STARD13: variants seen among roughly 807,000 people sequenced by gnomAD.
The protein encoded by STARD13 is StAR related lipid transfer domain containing 13.
A neutral mutation model predicts 106.4 loss-of-function variants in STARD13; 62 were observed. The observed-to-expected ratio is 0.58, with a 90% CI of 0.48 to 0.72. The LOEUF (loss-of-function observed/expected upper bound fraction) is 0.72, where lower values mean the gene tolerates loss of function less well. Ranked by LOEUF, STARD13 falls within the 30% of genes least tolerant of loss-of-function variation. The pLI, the probability that STARD13 is intolerant of heterozygous loss-of-function variation, is 0.00. For synonymous variants in STARD13, 565 were observed against 553.0 expected, an observed-to-expected ratio of 1.02 and a Z score of -0.31; for missense variants, 1,387 against 1,424.0, an observed-to-expected ratio of 0.97 and a Z score of 0.42.
At chr13:33,498,969 C>G in the STARD13 span, among the ~76,000 whole-genome samples, 13 of 152,260 alleles carry the variant, frequency 8.5e-5, no homozygotes, top group South Asian at 2.7e-3. Flanking sequence ...GAAACCCCGT[C>G]TCTACTAAAA....
intron 1 of STARD13, among the ~76,000 whole-genome samples, chr13:33,243,421 G>A (rs971850717): frequency 7.9e-5 from 12 of 152,176 alleles, no homozygotes; most frequent in African/African-American, 2.9e-4. Flanking sequence ...AGCTCCTCAG[G>A]GTGAAGAGTA....
the STARD13 span, among the ~76,000 whole-genome samples, chr13:33,551,126 T>A: frequency 2.0e-5 from 3 of 152,226 alleles, no homozygotes; most frequent in Admixed American, 6.5e-5. Context: ...ATGTAGGTCT[T>A]GGCCTCATGT....
At chr13:33,295,117 G>T (rs1892438506) in intron 1 of STARD13, among the ~76,000 whole-genome samples, 2 of 152,138 alleles carry the variant, frequency 1.3e-5, no homozygotes, top group Admixed American at 1.3e-4. Context: ...TCTTAGATAT[G>T]CCTTGTTGGA....
chr13:33,608,182 C>A, the STARD13 span, among the ~76,000 whole-genome samples: 11 of 152,196 alleles, frequency 7.2e-5, no homozygotes, highest in Non-Finnish European at 1.6e-4. Flanking sequence ...ACTGGGATTA[C>A]AGGTGCAAGC....
At chr13:33,114,376 T>C (rs1593863667) in intron 8 of STARD13, among the ~76,000 whole-genome samples, 1 of 152,106 alleles carries the variant, frequency 6.6e-6, no homozygotes, top group East Asian at 1.9e-4. Flanking sequence ...CTGACCACAC[T>C]ATGGCCCTGA....
chr13:33,243,270 A>G (rs1594156503), intron 1 of STARD13, among the ~76,000 whole-genome samples: 2 of 152,348 alleles, frequency 1.3e-5, no homozygotes, highest in South Asian at 4.1e-4. Context: ...GCTCTAAAGT[A>G]CAAAAGTAAA....
At chr13:33,519,201 G>A in the STARD13 span, among the ~76,000 whole-genome samples, 1 of 94,250 alleles carries the variant, frequency 1.1e-5, no homozygotes, top group Non-Finnish European at 2.1e-5. Flanking sequence ...ATTTCCTCTT[G>A]GTAATTTTTT....
the STARD13 span, among the ~76,000 whole-genome samples, chr13:33,637,320 C>T: frequency 1.3e-5 from 2 of 152,200 alleles, no homozygotes; most frequent in African/African-American, 4.8e-5. Context: ...GAGGCCTCTA[C>T]ATTTCCACCA....
chr13:33,455,125 C>T, the STARD13 span, among the ~76,000 whole-genome samples: 1 of 152,120 alleles, frequency 6.6e-6, no homozygotes, highest in East Asian at 1.9e-4. Context: ...ACAATAAAAC[C>T]AGAATATGGC....
chr13:33,609,042 C>T, the STARD13 span, among the ~76,000 whole-genome samples: 7 of 141,512 alleles, frequency 4.9e-5, no homozygotes, highest in East Asian at 2.2e-4. Flanking sequence ...GCCGAGATTG[C>T]GCCACTGCAC....
At chr13:33,605,637 G>C in the STARD13 span, among the ~76,000 whole-genome samples, 1 of 152,122 alleles carries the variant, frequency 6.6e-6, no homozygotes, top group African/African-American at 2.4e-5. Flanking sequence ...ACCACACTTT[G>C]AATAGCGCTG....
the STARD13 span, among the ~76,000 whole-genome samples, chr13:33,416,974 A>T: frequency 1.3e-5 from 2 of 152,238 alleles, no homozygotes; most frequent in Non-Finnish European, 2.9e-5. Context: ...TGTATACAAG[A>T]CTATATAAAG....
chr13:33,406,467 G>A, the STARD13 span, among the ~76,000 whole-genome samples: 1 of 152,174 alleles, frequency 6.6e-6, no homozygotes, highest in Non-Finnish European at 1.5e-5. Context: ...TTAGGTTCCT[G>A]CAAGCTTCTA....
chr13:33,274,411 C>A (rs1170001839), intron 1 of STARD13, among the ~76,000 whole-genome samples: 4 of 152,168 alleles, frequency 2.6e-5, no homozygotes, highest in Non-Finnish European at 4.4e-5. Flanking sequence ...AAGGAACAAA[C>A]CCTGCCGGCA....
chr13:33,197,385 T>C (rs1033253321), intron 1 of STARD13, among the ~76,000 whole-genome samples: 2 of 151,470 alleles, frequency 1.3e-5, no homozygotes, highest in African/African-American at 2.4e-5. Flanking sequence ...TTGGTGTGAA[T>C]TGAGTTATCT....
At chr13:33,197,663 T>C (rs971845656) in intron 1 of STARD13, among the ~76,000 whole-genome samples, 19 of 152,222 alleles carry the variant, frequency 1.2e-4, no homozygotes, top group African/African-American at 4.3e-4. Context: ...TAAGTGCTAA[T>C]GTATGCTTGC....
chr13:33,150,118 A>C (rs766297806), intron 3 of STARD13, among the ~76,000 whole-genome samples: 6 of 152,222 alleles, frequency 3.9e-5, no homozygotes, highest in Non-Finnish European at 7.3e-5. Context: ...TCCTAGAAGG[A>C]AGTTTTATAC....
At chr13:33,591,552 T>G in the STARD13 span, among the ~76,000 whole-genome samples, 325 of 152,342 alleles carry the variant, frequency 2.1e-3, 1 homozygote, top group African/African-American at 7.4e-3. Context: ...AGAGGCATTT[T>G]ATTTCTAAGT....
the STARD13 span, among the ~76,000 whole-genome samples, chr13:33,458,845 G>A: frequency 7.0e-6 from 1 of 142,218 alleles, no homozygotes; most frequent in Non-Finnish European, 1.5e-5. Flanking sequence ...TTTGGAGATG[G>A]AGTCTCACTC....
Sources: gnomAD v4.1 joint callset for allele counts (sites outside exome capture counted in the v4.1 genomes callset) on GRCh38, gnomAD v4.1.1 for gene constraint, MANE v1.5 for transcripts, NCBI Gene and HGNC (gene_info 2026-07-23, HGNC 2026-07-21) for gene names.